KHDRBS1: variants seen among roughly 807,000 people sequenced by gnomAD.
KHDRBS1 encodes KH domain-containing, RNA-binding, signal transduction-associated protein 1.
In KHDRBS1, 7 loss-of-function variants were observed where a neutral mutation model predicts 48.4. The observed-to-expected ratio is 0.14, with a 90% CI of 0.08 to 0.27. KHDRBS1 has a LOEUF of 0.27. KHDRBS1 is among the 10% of genes least tolerant of loss of function. The probability of loss-of-function intolerance (pLI) is 1.00; values close to 1 mark genes in which losing one functional copy is unlikely to be tolerated. For missense variants in KHDRBS1, 458 were observed against 601.2 expected, an observed-to-expected ratio of 0.76 and a Z score of 2.49; for synonymous variants, 241 against 235.8, an observed-to-expected ratio of 1.02 and a Z score of -0.20.
intron 1 of KHDRBS1, among the ~76,000 whole-genome samples, chr1:32,029,395 C>T (rs578099446): frequency 2.6e-5 from 4 of 152,326 alleles, no homozygotes; most frequent in East Asian, 3.9e-4. Context: ...CGGTGGCTCA[C>T]GCCTGTAATC....
chr1:32,055,950 C>T (rs548577159), intron 10 of KHDRBS1, among the ~76,000 whole-genome samples: 2 of 152,146 alleles, frequency 1.3e-5, no homozygotes, highest in Non-Finnish European at 2.9e-5. Context: ...TAGTGTTCTG[C>T]AAACTGTAGC....
chr1:32,022,638 C>G (rs1454405728), intron 1 of KHDRBS1, among the ~76,000 whole-genome samples: 1 of 152,088 alleles, frequency 6.6e-6, no homozygotes, highest in South Asian at 2.1e-4. Flanking sequence ...CGCTTGTAAT[C>G]CCAACACTTT....
Position 32,057,602 on chromosome 1 carries a change from C to T in KHDRBS1, n.1302-2561C>T, listed in dbSNP as rs1336727394. ...GATCACGAGGTCAGGAGTTCGAGAC[C>T]ATCCTGGCTAACACAGTGAAACCCG... On this transcript the variant is annotated intron_variant and non_coding_transcript_variant, in intron 10 of 10. Transcript: ENST00000484270. Among the ~76,000 whole-genome samples the T allele has an allele frequency of 2.7e-5, 4 of 149,524 alleles. No homozygotes were observed. The East Asian group carries it at 5.9e-4, about 22-fold the overall frequency.
intron 4 of KHDRBS1, among the ~76,000 whole-genome samples, chr1:32,035,715 C>T (rs999715145): frequency 1.5e-4 from 23 of 152,276 alleles, no homozygotes; most frequent in Non-Finnish European, 3.2e-4. Flanking sequence ...CTTGTTCGTC[C>T]CAAACATTTC....
chr1:32,058,169 C>G (rs1166482506), intron 10 of KHDRBS1, among the ~76,000 whole-genome samples: 1 of 151,650 alleles, frequency 6.6e-6, no homozygotes. Context: ...CTCACTGCAG[C>G]TTCTACCTCC....
At chr1:32,025,605 C>T (rs1443385955) in intron 1 of KHDRBS1, among the ~76,000 whole-genome samples, 1 of 149,732 alleles carries the variant, frequency 6.7e-6, no homozygotes, top group Non-Finnish European at 1.5e-5. Context: ...CTGGCCCCCT[C>T]CACCCTTCTT....
intron 1 of KHDRBS1, among the ~76,000 whole-genome samples, chr1:32,019,075 G>T (rs959904968): frequency 2.0e-5 from 3 of 152,084 alleles, no homozygotes; most frequent in Non-Finnish European, 2.9e-5. Context: ...TCCAGCCTGG[G>T]CGACAGAGCG....
chr1:32,042,198 A>G (rs1639293524), intron 8 of KHDRBS1, among the ~76,000 whole-genome samples: 1 of 152,194 alleles, frequency 6.6e-6, no homozygotes, highest in African/African-American at 2.4e-5. Flanking sequence ...GTTCCTCACT[A>G]TCTCAAGCAA....
At chr1:32,058,300 A>C (rs1569830751) in intron 10 of KHDRBS1, among the ~76,000 whole-genome samples, 1 of 152,006 alleles carries the variant, frequency 6.6e-6, no homozygotes, top group African/African-American at 2.4e-5. Flanking sequence ...GTTGCCCAGG[A>C]TGGAGAACTT....
At position 32,013,930 on chromosome 1, in the gene KHDRBS1, A is replaced by AC. The variant is rs1168611730; in HGVS notation, c.-64dup. ...CGCTCCCGCTCTGCCACCCCCGCCA[A>AC]CCGCCGCTCGGGCCTCCGTCGCTGC... On this transcript the variant is annotated 5_prime_UTR_variant, in exon 1 of 9. Transcript: ENST00000327300. 1 of 1,337,146 alleles carries AC rather than the reference A, an allele frequency of 7.5e-7. No individual in the cohort carries two copies. The allele number at this position is 1,337,146 out of a possible 1,614,324, so 82.8% of individuals were successfully genotyped here. A position where few individuals can be genotyped will look rare whatever the true frequency, so the allele number is the denominator to read the frequency against.
At chr1:32,032,518 A>T (rs1398184340) in intron 3 of KHDRBS1, among the ~76,000 whole-genome samples, 2 of 152,162 alleles carry the variant, frequency 1.3e-5, no homozygotes, top group Non-Finnish European at 2.9e-5. Flanking sequence ...CCTGTGATTT[A>T]AAAACAAATG....
At chr1:32,055,492 CTT>C in intron 10 of KHDRBS1, among the ~76,000 whole-genome samples, 1 of 152,220 alleles carries the variant, frequency 6.6e-6, no homozygotes, top group East Asian at 1.9e-4. Context: ...CCCCTCTTCT[CTT>C]GAGACCCACA....
Position 32,043,089 on chromosome 1 carries a change from A to G in KHDRBS1, c.*465A>G, listed in dbSNP as rs1639311267. 6.5e-6 allele frequency: 1 copy of G among 152,988 alleles called. No homozygotes were observed. Among genetic ancestry groups the G allele is most frequent in the Non-Finnish European group, 1.5e-5 (1 of 68,384 alleles). 9.5% of individuals were successfully genotyped at this position (152,988 alleles called of 1,614,324 possible). ...ATCCCAAACTAGGCTACATTTCAAA[A>G]TTCAGGGCTGTTTAAGATTTAAAAT... On this transcript the variant is annotated 3_prime_UTR_variant, in exon 9 of 9. Transcript: ENST00000327300.
chr1:32,050,482 TTTTTAG>T (rs1471116429), intron 10 of KHDRBS1, among the ~76,000 whole-genome samples: 1 of 152,088 alleles, frequency 6.6e-6, no homozygotes, highest in East Asian at 1.9e-4. Flanking sequence ...CTTTCTCAGT[TTTTTAG>T]TTTTAGTTCT....
intron 7 of KHDRBS1, among the ~76,000 whole-genome samples, chr1:32,039,137 C>T (rs1244659997): frequency 6.6e-6 from 1 of 151,988 alleles, no homozygotes; most frequent in African/African-American, 2.4e-5. Flanking sequence ...CTTGTGTGTC[C>T]ATATATATAG....
At chr1:32,033,591 A>G (rs1639121169) in intron 4 of KHDRBS1, among the ~76,000 whole-genome samples, 1 of 152,166 alleles carries the variant, frequency 6.6e-6, no homozygotes, top group African/African-American at 2.4e-5. Flanking sequence ...TCGGGTCCAC[A>G]GTGTGCCTGC....
At chr1:32,032,048 A>G (rs749306463) in intron 3 of KHDRBS1, among the ~76,000 whole-genome samples, 2 of 152,220 alleles carry the variant, frequency 1.3e-5, no homozygotes, top group African/African-American at 4.8e-5. Context: ...GTGAGAGCAG[A>G]TGAGTTTGAG....
chr1:32,057,997 A>G (rs774645676), intron 10 of KHDRBS1, among the ~76,000 whole-genome samples: 2 of 151,882 alleles, frequency 1.3e-5, no homozygotes, highest in Non-Finnish European at 2.9e-5. Flanking sequence ...GGGCGCCTGT[A>G]ATCCCAGCTA....
At chr1:32,022,815 G>A (rs899440715) in intron 1 of KHDRBS1, among the ~76,000 whole-genome samples, 9 of 152,008 alleles carry the variant, frequency 5.9e-5, no homozygotes, top group South Asian at 4.1e-4. Context: ...GCTTGAACCC[G>A]GGAGGCGGAG....
Sources: allele counts gnomAD v4.1 joint callset (sites outside exome capture counted in the v4.1 genomes callset), GRCh38; gene constraint gnomAD v4.1.1; transcripts MANE v1.5; gene names NCBI Gene and HGNC (gene_info 2026-07-23, HGNC 2026-07-21).